DIP2C: variants seen among roughly 807,000 people sequenced by gnomAD.
DIP2C encodes the protein DIP2 acetate--CoA ligase C (putative), also known as disco-interacting protein 2 homolog C.
In DIP2C, 33 loss-of-function variants were observed where a neutral mutation model predicts 192.4. That is an observed-to-expected ratio of 0.17 (90% confidence interval 0.13 to 0.23). The LOEUF (loss-of-function observed/expected upper bound fraction) is 0.23, where lower values mean the gene tolerates loss of function less well. Among genes scored for constraint, DIP2C ranks in the 10% least tolerant of loss-of-function variants. The pLI, the probability that DIP2C is intolerant of heterozygous loss-of-function variation, is 1.00. For missense variants in DIP2C, 1,537 were observed against 2,110.1 expected (o/e 0.73, Z 5.32); for synonymous variants, 979 against 864.1 (o/e 1.13, Z -2.33).
At chr10:565,929 T>C (rs1849442710) in intron 1 of DIP2C, among the ~76,000 whole-genome samples, 1 of 152,148 alleles carries the variant, frequency 6.6e-6, no homozygotes, top group Non-Finnish European at 1.5e-5. Flanking sequence ...CGGCTTTGAT[T>C]TGCTGTTTCA....
intron 1 of DIP2C, among the ~76,000 whole-genome samples, chr10:491,837 C>T (rs1172247221): frequency 1.3e-5 from 2 of 152,230 alleles, no homozygotes; most frequent in African/African-American, 2.4e-5. Flanking sequence ...CTCATGAACA[C>T]AGACCTGCTG....
intron 1 of DIP2C, among the ~76,000 whole-genome samples, chr10:685,638 T>G (rs916204767): frequency 6.6e-6 from 1 of 152,052 alleles, no homozygotes; most frequent in Non-Finnish European, 1.5e-5. Flanking sequence ...AACAGCTAAA[T>G]GCAATCTTTT....
intron 17 of DIP2C, among the ~76,000 whole-genome samples, chr10:376,012 A>T (rs145836474): frequency 6.6e-6 from 1 of 152,300 alleles, no homozygotes; most frequent in East Asian, 1.9e-4. Context: ...GCAACGGACC[A>T]CACACAAAAC....
At chr10:389,588 C>T (rs1963290144) in intron 13 of DIP2C, among the ~76,000 whole-genome samples, 1 of 152,208 alleles carries the variant, frequency 6.6e-6, no homozygotes, top group Admixed American at 6.5e-5. Context: ...TCCCCAGATC[C>T]ACATGCTGAA....
chr10:380,604 C>T (rs1242510133), intron 17 of DIP2C, among the ~76,000 whole-genome samples: 5 of 152,238 alleles, frequency 3.3e-5, no homozygotes, highest in African/African-American at 9.6e-5. Context: ...TGCAACAAAA[C>T]AGGGGAATGT....
intron 24 of DIP2C, among the ~76,000 whole-genome samples, chr10:354,561 T>C (rs1471876058): frequency 6.6e-6 from 1 of 152,166 alleles, no homozygotes. Context: ...GAGCTGCCCA[T>C]CAATACCTCT....
chr10:552,778 G>T (rs940330213), intron 1 of DIP2C, among the ~76,000 whole-genome samples: 1 of 152,214 alleles, frequency 6.6e-6, no homozygotes, highest in Non-Finnish European at 1.5e-5. Flanking sequence ...GAACCGGGGA[G>T]GCGGAGCTTG....
chr10:572,788 G>A (rs1849908145), intron 1 of DIP2C, among the ~76,000 whole-genome samples: 1 of 152,154 alleles, frequency 6.6e-6, no homozygotes, highest in Admixed American at 6.5e-5. Flanking sequence ...TAAACACGTT[G>A]GTGCAGGTGA....
rs66881768 is a variant in DIP2C, at chr10:532,558, TGAGAGAGAGA to T, written c.86-46038_86-46029del. ...GAGTATGGGTGTGAGAGAGTATGGG[TGAGAGAGAGA>T]GTATGGGTGTGAGAGAGAGTATGGG... On this transcript the variant is annotated intron_variant, in intron 1 of 36. Coordinates refer to ENST00000280886, the MANE Select transcript of DIP2C (RefSeq NM_014974.3). 7.6e-4 allele frequency among the ~76,000 whole-genome samples: 83 copies of T among 109,492 alleles called. 2 individuals carry two copies. Among genetic ancestry groups the T allele is most frequent in the African/African-American group, 3.0e-3 (78 of 25,914 alleles). The allele number at this position is 109,492 out of a possible 152,430, so 71.8% of individuals were successfully genotyped here.
intron 1 of DIP2C, among the ~76,000 whole-genome samples, chr10:669,875 C>T (rs1857335452): frequency 6.6e-6 from 1 of 152,200 alleles, no homozygotes; most frequent in African/African-American, 2.4e-5. Flanking sequence ...TCAATGTAAA[C>T]ACACAGTACA....
intron 1 of DIP2C, among the ~76,000 whole-genome samples, chr10:518,477 T>C (rs1027919817): frequency 1.3e-5 from 2 of 152,174 alleles, no homozygotes; most frequent in Non-Finnish European, 2.9e-5. Flanking sequence ...AACGTGACAG[T>C]GTCAGGAGGT....
At chr10:659,461 T>C (rs1856618983) in intron 1 of DIP2C, among the ~76,000 whole-genome samples, 1 of 152,252 alleles carries the variant, frequency 6.6e-6, no homozygotes, top group Admixed American at 6.5e-5. Flanking sequence ...CAAATGTAAC[T>C]TCTTGTAATT....
At chr10:537,815 C>T (rs1588417189) in intron 1 of DIP2C, among the ~76,000 whole-genome samples, 1 of 151,918 alleles carries the variant, frequency 6.6e-6, no homozygotes, top group Non-Finnish European at 1.5e-5. Flanking sequence ...CCCCCGAGAC[C>T]GAGTCTCGCT....
At chr10:573,707 CTTTT>C (rs574697446) in intron 1 of DIP2C, among the ~76,000 whole-genome samples, 1 of 150,890 alleles carries the variant, frequency 6.6e-6, no homozygotes, top group African/African-American at 2.4e-5. Context: ...ATCACGCCGG[CTTTT>C]TTTTTCCTCT....
chr10:344,928 A>G lies in DIP2C; in HGVS notation c.3344-10T>C. 1 of 1,604,536 alleles carries G rather than the reference A, an allele frequency of 6.2e-7. No individual in the cohort carries two copies. Among genetic ancestry groups the G allele is most frequent in the East Asian group, 2.2e-5 (1 of 44,682 alleles). ...TTCTTTGGCAAATCATCTGGAGAGG[A>G]ACATGACTATCAGCAGATCCAGCCT... On this transcript the variant is annotated splice_polypyrimidine_tract_variant and intron_variant, in intron 27 of 36. Coordinates refer to ENST00000280886, the MANE Select transcript of DIP2C (RefSeq NM_014974.3).
rs1238031688 is a variant in DIP2C, at chr10:364,435, C to T, written c.2416G>A (p.Ala806Thr). The change falls in exon 20 of 37, where the codon GCC becomes ACC. Residue 806 changes from alanine (A) to threonine (T), a missense_variant. Around this residue, in one of 4 missense-constraint regions of DIP2C, gnomAD observed 677 missense variants for 989.9 expected, o/e 0.68. Coordinates refer to ENST00000280886, the MANE Select transcript of DIP2C (RefSeq NM_014974.3). ...LMVVSGRRHNADDIVATALAV... is the reference protein window; with the variant it reads ...LMVVSGRRHNTDDIVATALAV... ...AGCGCAGTGGCCACGATGTCGTCGG[C>T]GTTGTGCCTGCGCCCGCTGACCACC... The T allele has an allele frequency of 1.2e-6, 2 of 1,614,094 alleles. No homozygotes were observed. The highest frequency in any genetic ancestry group is 1.3e-5 in the African/African-American group (1 of 75,060).
intron 34 of DIP2C, 37 bp downstream of exon 34, chr10:286,236 G>A: frequency 1.2e-6 from 2 of 1,607,502 alleles, no homozygotes; most frequent in South Asian, 2.2e-5. Context: ...ATACATAACA[G>A]AAAAGTAACC....
chr10:331,876 T>A (rs1420270900), intron 29 of DIP2C, among the ~76,000 whole-genome samples: 1 of 151,384 alleles, frequency 6.6e-6, no homozygotes, highest in Non-Finnish European at 1.5e-5. Flanking sequence ...TTTAAAAATT[T>A]TACTGTGGTA....
intron 1 of DIP2C, among the ~76,000 whole-genome samples, chr10:544,338 T>C (rs1848167662): frequency 6.6e-6 from 1 of 152,278 alleles, no homozygotes; most frequent in East Asian, 1.9e-4. Context: ...TCCACTCATC[T>C]GTTGACAGAC....
Sources: allele counts gnomAD v4.1 joint callset (sites outside exome capture counted in the v4.1 genomes callset), GRCh38; gene constraint gnomAD v4.1.1; regional missense constraint gnomAD v4.1.1; transcripts MANE v1.5; gene names NCBI Gene and HGNC (gene_info 2026-07-23, HGNC 2026-07-21).